The following CPQ variants were observed in gnomAD, a reference collection of about 807,000 sequenced individuals.
CPQ encodes Ser-Met dipeptidase.
A neutral mutation model predicts 45.7 loss-of-function variants in CPQ; 37 were observed. That is an observed-to-expected ratio of 0.81 (90% CI 0.62 to 1.07). The LOEUF (loss-of-function observed/expected upper bound fraction) is 1.07, where lower values mean the gene tolerates loss of function less well. Among genes scored for constraint, CPQ ranks in the 50% least tolerant of loss-of-function variants. CPQ has a pLI of 0.00. For synonymous variants in CPQ, 186 were observed against 205.8 expected (o/e 0.90, Z 0.82); for missense variants, 537 against 572.9 (o/e 0.94, Z 0.64).
intron 2 of CPQ, among the ~76,000 whole-genome samples, chr8:96,823,512 C>T (rs1004200064): frequency 6.6e-6 from 1 of 151,984 alleles, no homozygotes; most frequent in Non-Finnish European, 1.5e-5. Context: ...AGCAACTACA[C>T]AAATCCTATG....
At chr8:96,964,757 T>A (rs902564806) in intron 4 of CPQ, among the ~76,000 whole-genome samples, 1 of 152,200 alleles carries the variant, frequency 6.6e-6, no homozygotes, top group Non-Finnish European at 1.5e-5. Flanking sequence ...AATTTTTGTG[T>A]CCAGTTTAAG....
rs1156706371 is a variant in CPQ, at chr8:96,854,530, C to CAAAAAAAAAAAA, written c.641+19368_641+19379dup. On this transcript the variant is annotated intron_variant, in intron 3 of 7. Transcript: ENST00000220763. Reference sequence around the variant, plus strand: ...TGGGCGACAGAGCGAGACTCCGTCTCAAAAAAAAAAAAAAAAAAAAAAAAA... The same window carrying CAAAAAAAAAAAA: ...TGGGCGACAGAGCGAGACTCCGTCTCAAAAAAAAAAAAAAAAAAAAAAAAAAAAAAAAAAAAA... Among the ~76,000 whole-genome samples, 18 of 8,696 alleles carry CAAAAAAAAAAAA rather than the reference C, an allele frequency of 2.1e-3. 1 individual carries two copies. Among genetic ancestry groups the CAAAAAAAAAAAA allele is most frequent in the Non-Finnish European group, 5.2e-3 (13 of 2,498 alleles). The allele number at this position is 8,696 out of a possible 152,430, so 5.7% of individuals were successfully genotyped here.
intron 2 of CPQ, among the ~76,000 whole-genome samples, chr8:96,799,691 C>G (rs1425230900): frequency 6.6e-6 from 1 of 152,146 alleles, no homozygotes; most frequent in Non-Finnish European, 1.5e-5. Context: ...TTATCATATT[C>G]TAGTCTAGTC....
chr8:96,659,500 G>C (rs1815674619), intron 1 of CPQ, among the ~76,000 whole-genome samples: 1 of 152,132 alleles, frequency 6.6e-6, no homozygotes, highest in African/African-American at 2.4e-5. Flanking sequence ...TTTACATGTT[G>C]GTACTGAAAT....
intron 1 of CPQ, among the ~76,000 whole-genome samples, chr8:96,711,756 A>G (rs1226426103): frequency 6.6e-6 from 1 of 152,000 alleles, no homozygotes; most frequent in Non-Finnish European, 1.5e-5. Flanking sequence ...GGGAACTATA[A>G]CTCGGGATTT....
chr8:97,126,799 A>C (rs1037528772), intron 7 of CPQ, among the ~76,000 whole-genome samples: 9 of 152,190 alleles, frequency 5.9e-5, no homozygotes, highest in African/African-American at 2.2e-4. Flanking sequence ...CATCTACAAT[A>C]ATCAAAGTCA....
chr8:96,707,531 ATTC>A (rs1156734860), intron 1 of CPQ, among the ~76,000 whole-genome samples: 3 of 151,976 alleles, frequency 2.0e-5, no homozygotes, highest in Non-Finnish European at 4.4e-5. Flanking sequence ...GCCCAAGACA[ATTC>A]TTCTTCCAGT....
At chr8:97,087,545 T>C (rs892383160) in intron 7 of CPQ, among the ~76,000 whole-genome samples, 9 of 152,158 alleles carry the variant, frequency 5.9e-5, no homozygotes, top group African/African-American at 2.2e-4. Context: ...AATAGTAAAT[T>C]AAGAAACCCA....
At chr8:96,955,353 G>A (rs1813340040) in intron 4 of CPQ, among the ~76,000 whole-genome samples, 1 of 152,102 alleles carries the variant, frequency 6.6e-6, no homozygotes, top group African/African-American at 2.4e-5. Context: ...GGCCAGTGAT[G>A]ATGAGCATTT....
chr8:96,754,681 T>C (rs1426084865), intron 1 of CPQ, among the ~76,000 whole-genome samples: 1 of 152,070 alleles, frequency 6.6e-6, no homozygotes, highest in Non-Finnish European at 1.5e-5. Flanking sequence ...TTTATTGAAA[T>C]TTTTAAATTT....
intron 1 of CPQ, among the ~76,000 whole-genome samples, chr8:96,761,879 A>G (rs1327942881): frequency 6.6e-6 from 1 of 152,126 alleles, no homozygotes; most frequent in Admixed American, 6.6e-5. Context: ...GACCTTCCTA[A>G]CCATTTTGCC....
intron 1 of CPQ, among the ~76,000 whole-genome samples, chr8:96,666,368 G>C (rs1395771852): frequency 6.6e-6 from 1 of 152,142 alleles, no homozygotes. Flanking sequence ...TGAGTCCCTG[G>C]ATGCCAGAAC....
At chr8:96,981,289 C>A (rs115028216) in intron 5 of CPQ, among the ~76,000 whole-genome samples, 2,485 of 152,190 alleles carry the variant, frequency 0.016, 61 homozygotes, top group African/African-American at 0.056. Flanking sequence ...GAAATAATGG[C>A]ATCTTTTAAA....
chr8:97,123,236 T>TAAAATAAATA (rs1554591681), intron 7 of CPQ, among the ~76,000 whole-genome samples: 1 of 112,538 alleles, frequency 8.9e-6, no homozygotes, highest in Non-Finnish European at 1.9e-5. Context: ...TAAAATAAAA[T>TAAAATAAATA]AAATAAAATA....
At chr8:97,100,563 C>T (rs1027160245) in intron 7 of CPQ, among the ~76,000 whole-genome samples, 6 of 152,084 alleles carry the variant, frequency 3.9e-5, no homozygotes, top group East Asian at 1.9e-4. Context: ...GTCCTAGCTT[C>T]GTCATTTATT....
intron 3 of CPQ, among the ~76,000 whole-genome samples, chr8:96,848,282 A>G (rs1281099978): frequency 3.9e-5 from 6 of 152,210 alleles, no homozygotes; most frequent in South Asian, 4.1e-4. Flanking sequence ...AGGAACTTAC[A>G]TAATTTGGGG....
At chr8:96,907,980 T>C (rs1008735582) in intron 4 of CPQ, among the ~76,000 whole-genome samples, 2 of 152,156 alleles carry the variant, frequency 1.3e-5, no homozygotes, top group Non-Finnish European at 2.9e-5. Flanking sequence ...AACATTTTCT[T>C]AAGGATCATC....
intron 7 of CPQ, among the ~76,000 whole-genome samples, chr8:97,136,412 T>C (rs1345369567): frequency 6.6e-6 from 1 of 152,220 alleles, no homozygotes; most frequent in Non-Finnish European, 1.5e-5. Flanking sequence ...GTATAACAAC[T>C]ATAATAAAGA....
chr8:97,026,309 A>C (rs1441494985), intron 5 of CPQ, among the ~76,000 whole-genome samples: 3 of 152,184 alleles, frequency 2.0e-5, no homozygotes, highest in African/African-American at 7.2e-5. Flanking sequence ...CCCAGCAGGC[A>C]ATTACCATTT....
Sources: allele counts gnomAD v4.1 joint callset (sites outside exome capture counted in the v4.1 genomes callset), GRCh38; gene constraint gnomAD v4.1.1; transcripts MANE v1.5; gene names NCBI Gene and HGNC (gene_info 2026-07-23, HGNC 2026-07-21).